Variants in TRAK1 observed in about 807,000 individuals in gnomAD.
TRAK1 encodes trafficking kinesin-binding protein 1.
Under a neutral mutation model 92.1 loss-of-function variants are expected in TRAK1, and 33 were observed. That is an observed-to-expected ratio of 0.36 (90% CI 0.27 to 0.48). The LOEUF (loss-of-function observed/expected upper bound fraction) is 0.48. Ranked by LOEUF, TRAK1 falls within the 20% of genes least tolerant of loss-of-function variation. The pLI is 0.99. For synonymous variants in TRAK1, 521 were observed against 517.3 expected (o/e 1.01, Z -0.10); for missense variants, 1,123 against 1,257.9 (o/e 0.89, Z 1.62).
At chr3:42,044,111 G>A (rs1373048140) in intron 1 of TRAK1, among the ~76,000 whole-genome samples, 1 of 152,142 alleles carries the variant, frequency 6.6e-6, no homozygotes, top group African/African-American at 2.4e-5. Flanking sequence ...CAATTTTTCA[G>A]TTCTGCCTCA....
At chr3:42,062,233 T>C (rs1703476832) in intron 1 of TRAK1, among the ~76,000 whole-genome samples, 1 of 151,924 alleles carries the variant, frequency 6.6e-6, no homozygotes, top group Admixed American at 6.5e-5. Context: ...TGTGAAACTC[T>C]CAATCTCTTG....
chr3:42,175,427 C>T (rs1028501560), intron 2 of TRAK1, among the ~76,000 whole-genome samples: 1 of 152,154 alleles, frequency 6.6e-6, no homozygotes, highest in Non-Finnish European at 1.5e-5. Flanking sequence ...TAAAGCTACC[C>T]TTATAAATCT....
intron 2 of TRAK1, among the ~76,000 whole-genome samples, chr3:42,138,822 T>C (rs543740105): frequency 1.4e-5 from 2 of 145,102 alleles, no homozygotes; most frequent in South Asian, 4.5e-4. Context: ...TGAAGGGGAG[T>C]GTGGTCATAA....
At chr3:42,096,450 C>T (rs1576324293) in intron 1 of TRAK1, among the ~76,000 whole-genome samples, 1 of 152,114 alleles carries the variant, frequency 6.6e-6, no homozygotes, top group African/African-American at 2.4e-5. Flanking sequence ...GATGGGGATT[C>T]GCCATGTTGG....
At chr3:42,146,056 C>A (rs1158941296) in intron 2 of TRAK1, 2 of 442,732 alleles carry the variant, frequency 4.5e-6, no homozygotes, top group African/African-American at 2.1e-5. Context: ...CTAATTGGTT[C>A]TTCTGAGTAA....
At position 42,225,399 on chromosome 3, in the gene TRAK1, T is replaced by C. The variant is rs1480117920; in HGVS notation, c.*1662T>C. The C allele has an allele frequency of 6.6e-6, 1 of 152,260 alleles. No individual in the cohort carries two copies. Among genetic ancestry groups the C allele is most frequent in the East Asian group, 1.9e-4 (1 of 5,204 alleles). 9.4% of individuals were successfully genotyped at this position (152,260 alleles called of 1,614,324 possible). On this transcript the variant is annotated 3_prime_UTR_variant, in exon 16 of 16. Transcript: ENST00000327628. ...GCCTCAGTCCCACGGTTTCAGACTA[T>C]TTATTCTCTGAACACAAGAGTATTG... is the stretch of plus-strand genomic sequence containing the variant.
chr3:42,042,439 T>A (rs984376601), intron 1 of TRAK1, among the ~76,000 whole-genome samples: 1 of 152,162 alleles, frequency 6.6e-6, no homozygotes, highest in Non-Finnish European at 1.5e-5. Flanking sequence ...TGGTGCAGTC[T>A]CAGTTCACTG....
intron 1 of TRAK1, among the ~76,000 whole-genome samples, chr3:42,032,508 A>G (rs1239683802): frequency 1.3e-5 from 2 of 150,580 alleles, no homozygotes; most frequent in African/African-American, 5.0e-5. Flanking sequence ...CATCTTTGCA[A>G]CCTCCAGCCT....
At chr3:42,084,569 T>TG (rs543584596), upstream of TRAK1, among the ~76,000 whole-genome samples, 138 of 152,324 alleles carry the variant, frequency 9.1e-4, no homozygotes, top group African/African-American at 3.1e-3. Context: ...TGGGCCCCAC[T>TG]GGGGGTGGGT....
At position 42,223,680 on chromosome 3, in the gene TRAK1, T is replaced by G. The variant is rs1294684518; in HGVS notation, c.2805T>G (p.Thr935=). Residue 935 remains threonine (T), a synonymous_variant, in exon 16 of 16, where the codon ACT becomes ACG. Coordinates refer to ENST00000327628, the MANE Select transcript of TRAK1 (RefSeq NM_001042646.3). The surrounding 1 kb of genome is among the most constrained non-coding windows in gnomAD (Gnocchi z 6.1). Reference sequence around the variant, plus strand: ...GCATGCAGATGAAAGCTCCTGTGACTCTCACCTCGGGCATCTTGATGGGTG... The same window carrying G: ...GCATGCAGATGAAAGCTCCTGTGACGCTCACCTCGGGCATCTTGATGGGTG... ...GSSMQMKAPV[T]LTSGILMGAK... 2 of 1,613,882 alleles carry G rather than the reference T, an allele frequency of 1.2e-6. No homozygotes were observed. The highest frequency in any genetic ancestry group is 2.7e-5 in the African/African-American group (2 of 75,012).
intron 14 of TRAK1, among the ~76,000 whole-genome samples, chr3:42,216,164 C>G (rs1709659460): frequency 6.6e-6 from 1 of 152,174 alleles, no homozygotes; most frequent in African/African-American, 2.4e-5. Context: ...TTCTGTGTCC[C>G]CTTCTCCTCA....
chr3:42,191,788 C>T, intron 7 of TRAK1, 152 bp downstream of exon 7: 1 of 680,438 alleles, frequency 1.5e-6, no homozygotes, highest in South Asian at 2.2e-5. Flanking sequence ...CCTTGTGTGG[C>T]ACCCCCTCTC....
chr3:42,189,435 G>A (rs186625439), intron 6 of TRAK1, among the ~76,000 whole-genome samples: 2 of 152,362 alleles, frequency 1.3e-5, no homozygotes, highest in East Asian at 3.9e-4. Flanking sequence ...TCTGACCACA[G>A]CACCTGTGGA....
chr3:42,150,650 AGTTAGTAAACTG>A (rs1423152256), intron 2 of TRAK1, among the ~76,000 whole-genome samples: 77 of 152,308 alleles, frequency 5.1e-4, no homozygotes, highest in Middle Eastern at 3.4e-3. Context: ...GACCTGGCCT[AGTTAGTAAACTG>A]AAAAACTACA....
intron 2 of TRAK1, chr3:42,149,492 A>G (rs1324186700): frequency 6.5e-7 from 1 of 1,535,800 alleles, no homozygotes; most frequent in African/African-American, 1.4e-5. Flanking sequence ...CTTGACGTTG[A>G]TGGTGCTGTG....
At chr3:42,187,691 T>G (rs892104283) in intron 4 of TRAK1, among the ~76,000 whole-genome samples, 1 of 152,146 alleles carries the variant, frequency 6.6e-6, no homozygotes, top group African/African-American at 2.4e-5. Context: ...GGTCTCGAAC[T>G]CCTGACTTCA....
chr3:42,106,201 C>T (rs3856733), intron 1 of TRAK1, among the ~76,000 whole-genome samples: 10 of 151,996 alleles, frequency 6.6e-5, no homozygotes, highest in Middle Eastern at 3.4e-3. Context: ...GCCTAAATGC[C>T]CCAATTAAAA....
chr3:42,213,054 A>ATTTTTT (rs34073573), intron 14 of TRAK1, among the ~76,000 whole-genome samples: 17 of 113,066 alleles, frequency 1.5e-4, no homozygotes, highest in Non-Finnish European at 2.8e-4. Context: ...TGGAGCTGAG[A>ATTTTTT]TTTTTTTTTT....
At chr3:42,173,934 T>G (rs1340134455) in intron 2 of TRAK1, among the ~76,000 whole-genome samples, 1 of 152,194 alleles carries the variant, frequency 6.6e-6, no homozygotes, top group Non-Finnish European at 1.5e-5. Flanking sequence ...TGTGTGACAT[T>G]GGGTGAGTTA....
Sources: gnomAD v4.1 joint callset for allele counts (sites outside exome capture counted in the v4.1 genomes callset) on GRCh38, gnomAD v4.1.1 for gene constraint, Gnocchi (gnomAD v3.1) non-coding constraint, MANE v1.5 for transcripts, NCBI Gene and HGNC (gene_info 2026-07-23, HGNC 2026-07-21) for gene names.